Variants in RASGEF1C observed in about 807,000 individuals in gnomAD.
The protein encoded by RASGEF1C is ras-GEF domain-containing family member 1C.
RASGEF1C carries 27 observed loss-of-function variants against 58.1 expected under a neutral mutation model. The observed-to-expected ratio is 0.46, with a 90% CI of 0.34 to 0.64. The LOEUF (loss-of-function observed/expected upper bound fraction) is 0.64. Among genes scored for constraint, RASGEF1C ranks in the 30% least tolerant of loss-of-function variants. The probability of loss-of-function intolerance (pLI) is 0.01; values close to 1 mark genes in which losing one functional copy is unlikely to be tolerated. For missense variants in RASGEF1C, 502 were observed against 605.1 expected (o/e 0.83, Z 1.79); for synonymous variants, 243 against 246.3 (o/e 0.99, Z 0.13).
intron 4 of RASGEF1C, among the ~76,000 whole-genome samples, chr5:180,134,226 C>T (rs949479534): frequency 5.9e-5 from 9 of 152,092 alleles, no homozygotes; most frequent in Non-Finnish European, 1.2e-4. Context: ...GGAAGGGCAA[C>T]TTGAGGTCAC....
At chr5:180,115,136 T>C in intron 10 of RASGEF1C, 1 of 296,482 alleles carries the variant, frequency 3.4e-6, no homozygotes, top group Non-Finnish European at 6.8e-6. Context: ...TGCTTCAGCC[T>C]CCCGAGTAGC....
intron 4 of RASGEF1C, among the ~76,000 whole-genome samples, chr5:180,130,632 C>T (rs976318596): frequency 1.3e-5 from 2 of 152,232 alleles, no homozygotes; most frequent in Admixed American, 6.5e-5. Context: ...TCTCAGGCTG[C>T]GTCTTCCTTG....
chr5:180,154,509 C>G (rs754071594), intron 1 of RASGEF1C, among the ~76,000 whole-genome samples: 1 of 152,006 alleles, frequency 6.6e-6, no homozygotes. Flanking sequence ...TTGAATAAAC[C>G]CGGACCCTCA....
chr5:180,116,144 C>G (rs567859069), intron 10 of RASGEF1C, among the ~76,000 whole-genome samples: 3 of 152,324 alleles, frequency 2.0e-5, no homozygotes, highest in Non-Finnish European at 2.9e-5. Flanking sequence ...CCACGCCACT[C>G]AAGGCCACCC....
At chr5:180,127,854 C>T (rs1170353583) in intron 5 of RASGEF1C, among the ~76,000 whole-genome samples, 171 bp from the exon 6 acceptor site, 1 of 152,210 alleles carries the variant, frequency 6.6e-6, no homozygotes, top group Non-Finnish European at 1.5e-5. Context: ...CAGAGCTCAG[C>T]GCCTTCCCTG....
At position 180,111,491 on chromosome 5, in the gene RASGEF1C, G is replaced by C. The variant is rs758129487; in HGVS notation, c.1269C>G (p.His423Gln). Residue 423 changes from histidine to glutamine, a missense_variant, in exon 12 of 14, where the codon CAC becomes CAG. Coordinates refer to ENST00000361132, the MANE Select transcript of RASGEF1C (RefSeq NM_175062.4). ...TGAAGATGGGGGCGGTGTACAGGTA[G>C]TGGGTGATGCTGGCGTCTTGCTCGA... ...CPFEQDASIT[H>Q]YLYTAPIFSE... 3 of 1,614,242 alleles carry C rather than the reference G, an allele frequency of 1.9e-6. No individual in the cohort carries two copies. The highest frequency in any genetic ancestry group is 2.5e-6 in the Non-Finnish European group (3 of 1,180,036).
chr5:180,178,854 G>A (rs969401422), intron 1 of RASGEF1C, among the ~76,000 whole-genome samples: 3 of 152,244 alleles, frequency 2.0e-5, no homozygotes, highest in African/African-American at 7.2e-5. Context: ...GATATGTGGA[G>A]GGGACAGCTG....
chr5:180,159,378 A>C (rs1175301904), intron 1 of RASGEF1C, among the ~76,000 whole-genome samples: 2 of 152,100 alleles, frequency 1.3e-5, no homozygotes, highest in African/African-American at 4.8e-5. Context: ...GAGCTCAAGC[A>C]ATCTACCTGT....
intron 12 of RASGEF1C, among the ~76,000 whole-genome samples, chr5:180,104,920 C>A (rs567653541): frequency 6.6e-6 from 1 of 151,848 alleles, no homozygotes; most frequent in African/African-American, 2.4e-5. Context: ...TTAGTGATAT[C>A]CTGTTTTACT....
intron 1 of RASGEF1C, among the ~76,000 whole-genome samples, chr5:180,170,339 C>T (rs891166882): frequency 5.3e-5 from 8 of 152,132 alleles, no homozygotes; most frequent in African/African-American, 1.2e-4. Context: ...AGGAGGGGCG[C>T]GGGCCTGTTC....
chr5:180,147,539 G>C (rs1024766765), intron 1 of RASGEF1C, among the ~76,000 whole-genome samples: 1 of 151,982 alleles, frequency 6.6e-6, no homozygotes, highest in African/African-American at 2.4e-5. Context: ...TTTCCCTTGG[G>C]ACTTGTTCTT....
intron 1 of RASGEF1C, among the ~76,000 whole-genome samples, chr5:180,179,617 C>A (rs569462994): frequency 2.6e-5 from 4 of 152,318 alleles, no homozygotes; most frequent in Middle Eastern, 3.4e-3. Context: ...GAGGCTCCCA[C>A]GCTGCCGAGA....
At chr5:180,169,659 G>C (rs895121762) in intron 1 of RASGEF1C, among the ~76,000 whole-genome samples, 1 of 152,108 alleles carries the variant, frequency 6.6e-6, no homozygotes, top group African/African-American at 2.4e-5. Context: ...CAAGGATCAT[G>C]AGCATGGAGA....
rs775110060 is a variant in RASGEF1C at position 180,136,520 on chromosome 5, G to C, written c.301-5C>G. On this transcript the variant is annotated splice_region_variant and splice_polypyrimidine_tract_variant and intron_variant, in intron 3 of 13. Transcript: ENST00000361132. ...GCCGAACTTCCGGACCCGGGCCTAC[G>C]GGCAAGCGAGGGGCACCGCGCTCGT... 3 of 1,570,048 alleles carry C rather than the reference G, an allele frequency of 1.9e-6. No homozygotes were observed. The highest frequency in any genetic ancestry group is 1.2e-5 in the South Asian group (1 of 85,636).
In RASGEF1C at chr5:180,127,615, G is replaced by A. The variant is rs771730174; in HGVS notation, c.708C>T (p.Ser236=). The change falls in exon 6 of 14, where the codon AGC becomes AGT. Residue 236 remains serine (S), a synonymous_variant. Coordinates refer to ENST00000361132, the MANE Select transcript of RASGEF1C (RefSeq NM_175062.4). ...GCCCGTAAGAGCCTCCTACCTTTGT[G>A]CTGGCCAGAGGGTCCTTGTTCACAA... ...QAFVNKDPLA[S]TKPCFSDKTS... 1 of 1,612,074 alleles carries A rather than the reference G, an allele frequency of 6.2e-7. No individual in the cohort carries two copies. Among genetic ancestry groups the A allele is most frequent in the Non-Finnish European group, 8.5e-7 (1 of 1,179,334 alleles).
At chr5:180,129,516 C>G (rs563246024) in intron 4 of RASGEF1C, among the ~76,000 whole-genome samples, 1 of 152,286 alleles carries the variant, frequency 6.6e-6, no homozygotes, top group Admixed American at 6.5e-5. Flanking sequence ...TGAGGCCCCC[C>G]CAGAGCAATC....
intron 1 of RASGEF1C, among the ~76,000 whole-genome samples, chr5:180,166,901 ATGG>A: frequency 6.6e-6 from 1 of 152,296 alleles, no homozygotes; most frequent in South Asian, 2.1e-4. Flanking sequence ...TCTGGCCTCT[ATGG>A]CTTCTGAAAG....
At position 180,172,372 on chromosome 5, in the gene RASGEF1C, C is replaced by A. The variant is rs114736750; in HGVS notation, c.-6-34314G>T. ...CGGCCACCTGGCCTGGGATGCCCAG[C>A]TCTCTACTGCTGCGTGTGTTCCCCT... On this transcript the variant is annotated intron_variant, in intron 1 of 13. Coordinates refer to ENST00000361132, the MANE Select transcript of RASGEF1C (RefSeq NM_175062.4). 7.7e-3 allele frequency among the ~76,000 whole-genome samples: 1,180 copies of A among 152,298 alleles called. 13 individuals are homozygous for A. Among genetic ancestry groups the A allele is most frequent in the African/African-American group, 0.02 (818 of 41,560 alleles).
chr5:180,172,920 C>T (rs1767135969), intron 1 of RASGEF1C, among the ~76,000 whole-genome samples: 1 of 152,214 alleles, frequency 6.6e-6, no homozygotes, highest in African/African-American at 2.4e-5. Context: ...TTCTGGGTTG[C>T]CCTTTCCTGC....
Sources: allele counts gnomAD v4.1 joint callset (sites outside exome capture counted in the v4.1 genomes callset), GRCh38; gene constraint gnomAD v4.1.1; transcripts MANE v1.5; gene names NCBI Gene and HGNC (gene_info 2026-07-23, HGNC 2026-07-21).